Variants in NR2C2 observed in about 807,000 individuals in gnomAD.
NR2C2 encodes the protein nuclear receptor subfamily 2 group C member 2.
A neutral mutation model predicts 62.9 loss-of-function variants in NR2C2; 6 were observed. The observed-to-expected ratio is 0.10, with a 90% confidence interval of 0.05 to 0.19. The LOEUF (loss-of-function observed/expected upper bound fraction) is 0.19, where lower values mean the gene tolerates loss of function less well. Ranked by LOEUF, NR2C2 falls within the 10% of genes least tolerant of loss-of-function variation. NR2C2 has a pLI of 1.00. For synonymous variants in NR2C2, 272 were observed against 273.8 expected, an observed-to-expected ratio of 0.99 and a Z score of 0.07; for missense variants, 479 against 762.7, an observed-to-expected ratio of 0.63 and a Z score of 4.38.
chr3:15,011,430 A>C (rs2041349630), intron 2 of NR2C2, among the ~76,000 whole-genome samples: 1 of 152,240 alleles, frequency 6.6e-6, no homozygotes, highest in Admixed American at 6.5e-5. Flanking sequence ...TAAGGCAAGA[A>C]TCCCTTCTGT....
chr3:15,000,823 T>G (rs922130284), intron 1 of NR2C2, among the ~76,000 whole-genome samples: 1 of 150,540 alleles, frequency 6.6e-6, no homozygotes, highest in Non-Finnish European at 1.5e-5. Context: ...GGTTTTTTTT[T>G]TTTTTTTTTT....
chr3:14,962,576 A>G (rs1203614810), intron 1 of NR2C2: 1 of 152,394 alleles, frequency 6.6e-6, no homozygotes, highest in East Asian at 1.9e-4. Context: ...TTTTCAAAAC[A>G]GTCCCTTGGA....
chr3:15,036,906 G>T (rs1394504855), intron 11 of NR2C2, among the ~76,000 whole-genome samples: 1 of 152,160 alleles, frequency 6.6e-6, no homozygotes, highest in Admixed American at 6.5e-5. Flanking sequence ...TGGATAACTT[G>T]AGGTCAGGAG....
chr3:14,980,335 GT>G (rs1178945304), intron 1 of NR2C2, among the ~76,000 whole-genome samples: 1 of 149,878 alleles, frequency 6.7e-6, no homozygotes, highest in Non-Finnish European at 1.5e-5. Flanking sequence ...AAAAAAAAAT[GT>G]TTTTTTGGTA....
intron 1 of NR2C2, among the ~76,000 whole-genome samples, chr3:14,962,797 T>C (rs2039724926): frequency 6.6e-6 from 1 of 152,038 alleles, no homozygotes; most frequent in Admixed American, 6.6e-5. Flanking sequence ...CCAAATCTCT[T>C]AGTTTCTCGT....
At chr3:14,950,723 A>T (rs896776343) in intron 1 of NR2C2, among the ~76,000 whole-genome samples, 1 of 152,136 alleles carries the variant, frequency 6.6e-6, no homozygotes, top group African/African-American at 2.4e-5. Context: ...AAGCTGTGAG[A>T]GCAGGAATAC....
At chr3:14,994,080 C>A (rs2040747395) in intron 1 of NR2C2, among the ~76,000 whole-genome samples, 1 of 152,110 alleles carries the variant, frequency 6.6e-6, no homozygotes, top group Non-Finnish European at 1.5e-5. Context: ...AAAGCATAGA[C>A]CACTGTCACT....
chr3:14,977,633 C>T (rs2040243531), intron 1 of NR2C2, among the ~76,000 whole-genome samples: 1 of 152,028 alleles, frequency 6.6e-6, no homozygotes, highest in African/African-American at 2.4e-5. Flanking sequence ...TGGAAGCTTT[C>T]CTCAAATGGC....
At position 15,030,345 on chromosome 3, in the gene NR2C2, A is replaced by T; in HGVS notation, c.1003A>T (p.Ile335Leu). 2 of 1,613,614 alleles carry T rather than the reference A, an allele frequency of 1.2e-6. No homozygotes were observed. The highest frequency in any genetic ancestry group is 1.7e-6 in the Non-Finnish European group (2 of 1,179,870). Residue 335 changes from isoleucine to leucine, a missense_variant, in exon 9 of 14, where the codon ATA (isoleucine) becomes TTA (leucine). By Grantham distance (5) the Ile-to-Leu change is conservative (BLOSUM62 2). Around this residue, in one of 4 missense-constraint regions of NR2C2, gnomAD observed 151 missense variants for 176.1 expected, o/e 0.86. Transcript: ENST00000425241. ...SSSSPSLADGIDTSGGGSIHV... is the reference protein window; with the variant it reads ...SSSSPSLADGLDTSGGGSIHV... ...CTCTTCTCCAAGCTTGGCAGATGGG[A>T]TAGACACCAGTGGAGGAGGGAGCAT... is the stretch of plus-strand genomic sequence containing the variant.
chr3:14,960,226 G>A (rs574080187), intron 1 of NR2C2, among the ~76,000 whole-genome samples: 41 of 152,292 alleles, frequency 2.7e-4, no homozygotes, highest in African/African-American at 9.9e-4. Context: ...TTCATCAAAA[G>A]ACACCTTAAA....
At chr3:15,035,632 C>T (rs1348257248) in intron 11 of NR2C2, among the ~76,000 whole-genome samples, 1 of 152,262 alleles carries the variant, frequency 6.6e-6, no homozygotes, top group African/African-American at 2.4e-5. Flanking sequence ...CAGTGGCTCA[C>T]TCCTGTAATC....
At chr3:15,004,316 C>G (rs2041106359) in intron 2 of NR2C2, among the ~76,000 whole-genome samples, 1 of 152,142 alleles carries the variant, frequency 6.6e-6, no homozygotes, top group Admixed American at 6.5e-5. Flanking sequence ...CCCCACTTAG[C>G]TTTGTTGACC....
At chr3:14,958,585 T>C (rs2039595146) in intron 1 of NR2C2, among the ~76,000 whole-genome samples, 1 of 152,222 alleles carries the variant, frequency 6.6e-6, no homozygotes, top group African/African-American at 2.4e-5. Context: ...CTGCTATTAG[T>C]GTTATGCTTG....
At chr3:15,025,841 A>AC (rs770084043) in intron 7 of NR2C2, 4 of 152,018 alleles carry the variant, frequency 2.6e-5, no homozygotes, top group Non-Finnish European at 5.9e-5. Context: ...CCTTCAACAT[A>AC]CCTTTCTGTT....
At chr3:15,017,046 G>C (rs1238510812) in intron 4 of NR2C2, among the ~76,000 whole-genome samples, 1 of 152,196 alleles carries the variant, frequency 6.6e-6, no homozygotes, top group African/African-American at 2.4e-5. Context: ...TGTGATGGCT[G>C]CTTGGTTCCA....
At chr3:15,031,371 T>A (rs1235387261) in intron 9 of NR2C2, among the ~76,000 whole-genome samples, 1 of 50,800 alleles carries the variant, frequency 2.0e-5, no homozygotes, top group African/African-American at 2.9e-4. Context: ...TCCCCCAGTA[T>A]TTTTTTTTTT....
chr3:14,947,983 C>CGCG (rs1032940181), intron 1 of NR2C2, 77 bp downstream of exon 1: 5 of 151,044 alleles, frequency 3.3e-5, no homozygotes, highest in African/African-American at 1.2e-4. Context: ...ATGGAGGCGC[C>CGCG]GCGGCGGCGG....
chr3:15,017,505 C>T (rs1280751664), intron 4 of NR2C2, among the ~76,000 whole-genome samples: 3 of 152,200 alleles, frequency 2.0e-5, no homozygotes, highest in Admixed American at 2.0e-4. Context: ...GAAAGGCTCT[C>T]TACAAACTTC....
At chr3:14,952,631 GATC>G (rs1327934650) in intron 1 of NR2C2, among the ~76,000 whole-genome samples, 1 of 152,108 alleles carries the variant, frequency 6.6e-6, no homozygotes, top group African/African-American at 2.4e-5. Flanking sequence ...TTCCCTGTGT[GATC>G]ATCATCTTTA....
Sources: allele counts gnomAD v4.1 joint callset (sites outside exome capture counted in the v4.1 genomes callset), GRCh38; gene constraint gnomAD v4.1.1; regional missense constraint gnomAD v4.1.1; transcripts MANE v1.5; gene names NCBI Gene and HGNC (gene_info 2026-07-23, HGNC 2026-07-21).